Variants in DNAJC8 observed in about 807,000 individuals in gnomAD.
DNAJC8 encodes dnaJ homolog subfamily C member 8.
DNAJC8 carries 24 observed loss-of-function variants against 43.2 expected under a neutral mutation model. The observed-to-expected ratio is 0.56, with a 90% CI of 0.40 to 0.78. The LOEUF (loss-of-function observed/expected upper bound fraction) is 0.78, where lower values mean the gene tolerates loss of function less well. Among genes scored for constraint, DNAJC8 ranks in the 30% least tolerant of loss-of-function variants. DNAJC8 has a pLI of 0.00. For missense variants in DNAJC8, 207 were observed against 299.4 expected (o/e 0.69, Z 2.28); for synonymous variants, 83 against 98.0 (o/e 0.85, Z 0.90).
At position 28,212,759 on chromosome 1, in the gene DNAJC8, G is replaced by A. The variant is rs565403210; in HGVS notation, c.238-2122C>T. Among the ~76,000 whole-genome samples, 7 of 152,228 alleles carry A rather than the reference G, an allele frequency of 4.6e-5. No individual in the cohort carries two copies. The South Asian group carries it at 8.3e-4, about 18-fold the overall frequency. On this transcript the variant is annotated intron_variant, in intron 3 of 8. Transcript: ENST00000263697. ...AGAACAAATGGGAATCTAACGCTCC[G>A]TTCAGCATTACTGGAACCATTATGC...
chr1:28,217,488 C>T (rs1235672974), intron 2 of DNAJC8, among the ~76,000 whole-genome samples: 4 of 152,056 alleles, frequency 2.6e-5, no homozygotes, highest in African/African-American at 7.2e-5. Flanking sequence ...GGCATGGTGG[C>T]GCATGAAAAT....
In DNAJC8 at chr1:28,214,639, G is replaced by T. The variant is rs956521613; in HGVS notation, c.237+301C>A. Among the ~76,000 whole-genome samples the T allele has an allele frequency of 8.5e-5, 13 of 152,270 alleles. No homozygotes were observed. The East Asian group carries it at 2.5e-3, about 29-fold the overall frequency. The stretch of plus-strand genomic sequence containing the variant: ...TATGTTCCCTCCTAGAAGACAGGGG[G>T]TTTGGTAGTTACAACTCCATGCAAG... On this transcript the variant is annotated intron_variant, in intron 3 of 8. Transcript: ENST00000263697.
chr1:28,203,650 C>T (rs1433342349), intron 8 of DNAJC8, 97 bp downstream of exon 8: 1 of 1,198,742 alleles, frequency 8.3e-7, no homozygotes, highest in African/African-American at 1.5e-5. Context: ...CCACATATCC[C>T]ACTCCCCTCT....
intron 1 of DNAJC8, among the ~76,000 whole-genome samples, chr1:28,231,362 T>C (rs1239213412): frequency 1.3e-5 from 2 of 152,108 alleles, no homozygotes; most frequent in African/African-American, 4.8e-5. Context: ...TTAAATTAAA[T>C]TAACTCTCTT....
rs1646915108 is a variant in DNAJC8 at position 28,223,756 on chromosome 1, T to C, written c.180+5166A>G. Among the ~76,000 whole-genome samples the C allele has an allele frequency of 2.0e-5, 3 of 149,290 alleles. No homozygotes were observed. In the South Asian group the frequency reaches 6.4e-4, roughly 32 times the overall value. On this transcript the variant is annotated intron_variant, in intron 2 of 8. Transcript: ENST00000263697. ...AAAAAGAATAATAATAAAGAAAAGA[T>C]AGTGGGAACCAGGTTTCTAACTATT...
At chr1:28,208,258 T>A (rs1557706494) in intron 6 of DNAJC8, 84 bp downstream of exon 6, 1 of 929,034 alleles carries the variant, frequency 1.1e-6, no homozygotes, top group Non-Finnish European at 1.6e-6. Context: ...ATATTCATCA[T>A]TCTTTTGGCT....
chr1:28,218,743 TA>T (rs761703720), intron 2 of DNAJC8, among the ~76,000 whole-genome samples: 19 of 151,984 alleles, frequency 1.3e-4, no homozygotes, highest in South Asian at 6.2e-4. Flanking sequence ...CCGTCTCTAC[TA>T]AAAATACAAT....
At chr1:28,202,465 G>A (rs535946303) in intron 8 of DNAJC8, among the ~76,000 whole-genome samples, 1 of 151,260 alleles carries the variant, frequency 6.6e-6, no homozygotes, top group African/African-American at 2.4e-5. Flanking sequence ...ATTTTTAGTA[G>A]AGACGGGGTT....
In DNAJC8 at chr1:28,207,921, C is replaced by T. The variant is rs192553023; in HGVS notation, c.471+421G>A. Among the ~76,000 whole-genome samples the T allele has an allele frequency of 2.2e-4, 33 of 151,904 alleles. No individual in the cohort carries two copies. The East Asian group carries it at 4.5e-3, about 21-fold the overall frequency. On this transcript the variant is annotated intron_variant, in intron 6 of 8. Coordinates refer to ENST00000263697, the MANE Select transcript of DNAJC8 (RefSeq NM_014280.3). Reference sequence around the variant, plus strand: ...AAATACAAAAAAATTAGCCAGAGGCCGGGCAGGGTGGCTCATGCCTGTAGC... The same window carrying T: ...AAATACAAAAAAATTAGCCAGAGGCTGGGCAGGGTGGCTCATGCCTGTAGC...
chr1:28,220,060 G>C (rs1335408019), intron 2 of DNAJC8, among the ~76,000 whole-genome samples: 2 of 152,226 alleles, frequency 1.3e-5, no homozygotes, highest in Admixed American at 1.3e-4. Flanking sequence ...GGAGATGCAT[G>C]CTAAAGTATT....
intron 1 of DNAJC8, among the ~76,000 whole-genome samples, chr1:28,231,799 G>A (rs1382346217): frequency 6.6e-6 from 1 of 151,606 alleles, no homozygotes; most frequent in Admixed American, 6.6e-5. Context: ...ACAGTCTCTC[G>A]CTCTGTCACC....
chr1:28,232,059 A>AT (rs987987806), intron 1 of DNAJC8, among the ~76,000 whole-genome samples: 345 of 150,392 alleles, frequency 2.3e-3, no homozygotes, highest in African/African-American at 8.2e-3. Context: ...CCAACCAAGA[A>AT]TTTTTTTTTC....
intron 3 of DNAJC8, 21 bp from the exon 4 acceptor site, chr1:28,210,658 G>C: frequency 6.2e-7 from 1 of 1,607,992 alleles, no homozygotes; most frequent in African/African-American, 1.3e-5. Context: ...AGAAAAGTTG[G>C]GGTTGTCAAT....
intron 1 of DNAJC8, among the ~76,000 whole-genome samples, chr1:28,231,904 A>C (rs931527150): frequency 1.3e-5 from 2 of 151,478 alleles, no homozygotes; most frequent in Admixed American, 6.6e-5. Context: ...AGTGGCTGGG[A>C]CTACAGGCGC....
intron 3 of DNAJC8, among the ~76,000 whole-genome samples, chr1:28,211,123 ACTCCAGC>A (rs1646807712): frequency 6.6e-6 from 1 of 152,156 alleles, no homozygotes; most frequent in African/African-American, 2.4e-5. Context: ...GTGCCACTGC[ACTCCAGC>A]CTGGGCAACA....
intron 1 of DNAJC8, among the ~76,000 whole-genome samples, chr1:28,230,799 C>T (rs1344974361): frequency 2.6e-5 from 4 of 152,186 alleles, no homozygotes; most frequent in Admixed American, 1.3e-4. Flanking sequence ...CAGGCAGTGC[C>T]TGCCAGGTGT....
intron 3 of DNAJC8, among the ~76,000 whole-genome samples, chr1:28,212,168 A>AATAAAAATATATATATATATAT (rs35950985): frequency 3.2e-5 from 1 of 31,022 alleles, no homozygotes; most frequent in Non-Finnish European, 7.0e-5. Flanking sequence ...TAAATAAATA[A>AATAAAAATATATATATATATAT]ATATATATAT....
chr1:28,230,899 T>C (rs1646969168), intron 1 of DNAJC8, among the ~76,000 whole-genome samples: 1 of 152,232 alleles, frequency 6.6e-6, no homozygotes, highest in African/African-American at 2.4e-5. Flanking sequence ...GATATGGTCC[T>C]TAACCCTGAA....
chr1:28,225,463 A>C (rs1249028927), intron 2 of DNAJC8, among the ~76,000 whole-genome samples: 1 of 151,434 alleles, frequency 6.6e-6, no homozygotes, highest in Non-Finnish European at 1.5e-5. Flanking sequence ...CCAGACACAA[A>C]GTAACAAATA....
Sources: gnomAD v4.1 joint callset for allele counts (sites outside exome capture counted in the v4.1 genomes callset) on GRCh38, gnomAD v4.1.1 for gene constraint, MANE v1.5 for transcripts, NCBI Gene and HGNC (gene_info 2026-07-23, HGNC 2026-07-21) for gene names.